The following BRSK2 variants were observed in gnomAD, a reference collection of about 807,000 sequenced individuals.
BRSK2 encodes BR serine/threonine kinase 2, also known as serine/threonine-protein kinase BRSK2.
BRSK2 carries 19 observed loss-of-function variants against 83.3 expected under a neutral mutation model. The observed-to-expected ratio is 0.23, with a 90% CI of 0.16 to 0.33. BRSK2 has a LOEUF of 0.33. BRSK2 is among the 10% of genes least tolerant of loss of function. BRSK2 has a pLI of 1.00. For synonymous variants in BRSK2, 519 were observed against 435.4 expected (o/e 1.19, Z -2.39); for missense variants, 798 against 1,042.3 (o/e 0.77, Z 3.23).
intron 16 of BRSK2, among the ~76,000 whole-genome samples, chr11:1,455,111 C>G (rs989497871): frequency 6.6e-6 from 1 of 152,170 alleles, no homozygotes. Flanking sequence ...AGTGGTCGCG[C>G]TCGGGGTCTT....
At chr11:1,436,623 T>C (rs1850334632) in intron 2 of BRSK2, among the ~76,000 whole-genome samples, 1 of 152,078 alleles carries the variant, frequency 6.6e-6, no homozygotes, top group South Asian at 2.1e-4. Context: ...GTTTCTGGGC[T>C]GTGACCCACC....
intron 1 of BRSK2, among the ~76,000 whole-genome samples, chr11:1,405,906 C>T (rs527295566): frequency 5.9e-5 from 9 of 152,248 alleles, no homozygotes; most frequent in Non-Finnish European, 1.0e-4. Flanking sequence ...CAGCCCCAGG[C>T]GCCCCTTCTG....
intron 1 of BRSK2, among the ~76,000 whole-genome samples, chr11:1,425,373 C>T (rs1489859005): frequency 6.6e-6 from 1 of 152,202 alleles, no homozygotes; most frequent in African/African-American, 2.4e-5. Context: ...GGCACTGCTG[C>T]CAGACATGCC....
chr11:1,418,369 T>G (rs1848319474), intron 1 of BRSK2, among the ~76,000 whole-genome samples: 1 of 150,458 alleles, frequency 6.6e-6, no homozygotes, highest in Non-Finnish European at 1.5e-5. Flanking sequence ...GTTTCTTCTC[T>G]TGAGAGTGGG....
chr11:1,451,855 G>A (rs537049336), intron 15 of BRSK2, among the ~76,000 whole-genome samples: 260 of 152,262 alleles, frequency 1.7e-3, no homozygotes, highest in African/African-American at 5.9e-3. Flanking sequence ...TGGCCCCGCC[G>A]CCTTTCTGAG....
In BRSK2 at chr11:1,453,687, C is replaced by T. The variant is rs191884682; in HGVS notation, c.1545-798C>T. Among the ~76,000 whole-genome samples the T allele has an allele frequency of 2.6e-3, 399 of 152,062 alleles. 3 individuals carry two copies. The highest frequency in any genetic ancestry group is 9.2e-3 in the African/African-American group (383 of 41,484). On this transcript the variant is annotated intron_variant, in intron 15 of 19. Transcript: ENST00000528841. ...GCAAGGGAAAGGGGAGTTGTGAGGC[C>T]GCTGGGAGGGGCCTCAGAATCAGTC...
intron 2 of BRSK2, 112 bp downstream of exon 2, chr11:1,436,246 G>A (rs1311199940): frequency 3.2e-6 from 1 of 315,728 alleles, no homozygotes; most frequent in Non-Finnish European, 5.6e-6. Context: ...GGGTGGGGGG[G>A]CGGGCCCTGC....
At chr11:1,411,053 T>C in intron 1 of BRSK2, 1 of 1,073,442 alleles carries the variant, frequency 9.3e-7, no homozygotes. Flanking sequence ...TGGCAACAGA[T>C]GGAGATTTGG....
intron 1 of BRSK2, among the ~76,000 whole-genome samples, chr11:1,418,067 T>G (rs1209098382): frequency 1.8e-4 from 26 of 147,656 alleles, no homozygotes; most frequent in African/African-American, 5.8e-4. Context: ...CTGCTTCTGT[T>G]GGCTGTTTCT....
rs1247576481 is a variant in BRSK2, at chr11:1,436,152, G to C, written c.186+18G>C. The C allele has an allele frequency of 2.3e-6, 2 of 875,878 alleles. No homozygotes were observed. Among genetic ancestry groups the C allele is most frequent in the Non-Finnish European group, 3.3e-6 (2 of 599,314 alleles). 54.3% of individuals were successfully genotyped at this position (875,878 alleles called of 1,614,324 possible). ...TGATGAAGGTGGGTGGGGCCGGGGA[G>C]GGAGGCGGGGCCGGCGGTGGGGTGG... On this transcript the variant is annotated intron_variant, in intron 2 of 19. Coordinates refer to ENST00000528841, the MANE Select transcript of BRSK2 (RefSeq NM_001256627.2).
chr11:1,421,567 C>T lies in BRSK2; in HGVS notation c.92-14473C>T, dbSNP rs115166860. Among the ~76,000 whole-genome samples, 1,351 of 152,308 alleles carry T rather than the reference C, an allele frequency of 8.9e-3. 21 individuals carry two copies. The highest frequency in any genetic ancestry group is 0.03 in the African/African-American group (1,259 of 41,560). On this transcript the variant is annotated intron_variant, in intron 1 of 19. Coordinates refer to ENST00000528841, the MANE Select transcript of BRSK2 (RefSeq NM_001256627.2). ...GTTCTTTTCCAACGTGAGCAGTTGTCTCCCAAGAGATGCGCCGCCCCTTCC... is the reference window on the plus strand; with the variant it reads ...GTTCTTTTCCAACGTGAGCAGTTGTTTCCCAAGAGATGCGCCGCCCCTTCC...
rs1020273682 is a variant in BRSK2 at position 1,423,596 on chromosome 11, A to G, written c.92-12444A>G. Among the ~76,000 whole-genome samples, 2 of 152,080 alleles carry G rather than the reference A, an allele frequency of 1.3e-5. No individual in the cohort carries two copies. Among genetic ancestry groups the G allele is most frequent in the Non-Finnish European group, 2.9e-5 (2 of 67,992 alleles). Reference sequence around the variant, plus strand: ...GAACAGCAGAGACGTGCTCTTTCACATTCTGGAGGCGGGAAGTCCAAGGTC... The same window carrying G: ...GAACAGCAGAGACGTGCTCTTTCACGTTCTGGAGGCGGGAAGTCCAAGGTC... On this transcript the variant is annotated intron_variant, in intron 1 of 19. Coordinates refer to ENST00000528841, the MANE Select transcript of BRSK2 (RefSeq NM_001256627.2). This position sits in a 1 kb window ranked among gnomAD's most constrained non-coding sequence, Gnocchi z 6.5.
At chr11:1,459,330 G>A (rs1389384950) in intron 19 of BRSK2, 91 bp downstream of exon 19, 6 of 1,465,212 alleles carry the variant, frequency 4.1e-6, no homozygotes, top group East Asian at 2.3e-5. Flanking sequence ...CGCCCGGGTT[G>A]TCCCGGCCTC....
rs28361445 is a variant in BRSK2, at chr11:1,460,470, T to C, written c.1988-30T>C. ...TTTTTTTTCTTTTTTCCTTTTTTTT[T>C]TTTTTTTTGTCTCTGTTCTGTGTAC... On this transcript the variant is annotated intron_variant, in intron 19 of 19. Transcript: ENST00000528841. 64 of 1,265,310 alleles carry C rather than the reference T, an allele frequency of 5.1e-5. 2 individuals are homozygous for C. The highest frequency in any genetic ancestry group is 1.0e-4 in the African/African-American group (6 of 59,630). The allele number at this position is 1,265,310 out of a possible 1,614,324, so 78.4% of individuals were successfully genotyped here.
chr11:1,460,197 G>T (rs545759038), intron 19 of BRSK2, among the ~76,000 whole-genome samples: 1 of 152,230 alleles, frequency 6.6e-6, no homozygotes, highest in South Asian at 2.1e-4. Flanking sequence ...TGGGTCCTGC[G>T]CAACAGCTCG....
rs547302467 is a variant in BRSK2 at position 1,461,850 on chromosome 11, A to G, written c.*1127A>G. 2,001 of 151,882 alleles carry G rather than the reference A, an allele frequency of 0.013. 21 individuals carry two copies. Among genetic ancestry groups the G allele is most frequent in the Non-Finnish European group, 0.019 (1,271 of 67,956 alleles). The allele number at this position is 151,882 out of a possible 1,614,324, so 9.4% of individuals were successfully genotyped here. ...TGCTCCTGCTTCTTTCTACACACACATCTAAAGACGGTGCGGCTCGCTCTG... is the reference window on the plus strand; with the variant it reads ...TGCTCCTGCTTCTTTCTACACACACGTCTAAAGACGGTGCGGCTCGCTCTG... On this transcript the variant is annotated 3_prime_UTR_variant, in exon 20 of 20. Coordinates refer to ENST00000528841, the MANE Select transcript of BRSK2 (RefSeq NM_001256627.2).
rs181723071 is a variant in BRSK2 at position 1,423,259 on chromosome 11, C to T, written c.92-12781C>T. Reference sequence around the variant, plus strand: ...GTCGTGGCCGTCCAGGCTTCAGAAACGGCAGAACCAGGGACCCTCCCCACT... The same window carrying T: ...GTCGTGGCCGTCCAGGCTTCAGAAATGGCAGAACCAGGGACCCTCCCCACT... On this transcript the variant is annotated intron_variant, in intron 1 of 19. Transcript: ENST00000528841. This position sits in a 1 kb window ranked among gnomAD's most constrained non-coding sequence, Gnocchi z 6.5. Among the ~76,000 whole-genome samples, 234 of 152,220 alleles carry T rather than the reference C, an allele frequency of 1.5e-3. 1 individual carries two copies. The highest frequency in any genetic ancestry group is 5.4e-3 in the African/African-American group (223 of 41,530).
intron 1 of BRSK2, among the ~76,000 whole-genome samples, chr11:1,396,166 G>A (rs554067722): frequency 2.3e-5 from 3 of 132,420 alleles, no homozygotes; most frequent in Admixed American, 1.6e-4. Flanking sequence ...GTGGACCCCT[G>A]CGTCCCCCGC....
Position 1,390,399 on chromosome 11 carries a change from C to T in BRSK2, c.91+24C>T, listed in dbSNP as rs1845646375. The T allele has an allele frequency of 2.0e-6, 2 of 988,708 alleles. No homozygotes were observed. 61.2% of individuals were successfully genotyped at this position (988,708 alleles called of 1,614,324 possible). A position where few individuals can be genotyped will look rare whatever the true frequency, so the allele number is the denominator to read the frequency against. On this transcript the variant is annotated intron_variant, in intron 1 of 19. Coordinates refer to ENST00000528841, the MANE Select transcript of BRSK2 (RefSeq NM_001256627.2). The surrounding 1 kb of genome is among the most constrained non-coding windows in gnomAD (Gnocchi z 6.8). ...AGGTGCGTGCGGCCGGGGCGGGGAC[C>T]GGGGCCGGGGAGGCCGCGCTGGCAG... is the stretch of plus-strand genomic sequence containing the variant.
Sources: gnomAD v4.1 joint callset for allele counts (sites outside exome capture counted in the v4.1 genomes callset) on GRCh38, gnomAD v4.1.1 for gene constraint, Gnocchi (gnomAD v3.1) non-coding constraint, MANE v1.5 for transcripts, NCBI Gene and HGNC (gene_info 2026-07-23, HGNC 2026-07-21) for gene names.